AGO1: variants seen among roughly 807,000 people sequenced by gnomAD.
AGO1 encodes the protein argonaute RISC component 1, also known as protein argonaute-1.
In AGO1, 11 loss-of-function variants were observed where a neutral mutation model predicts 109.2. The ratio of observed to expected loss-of-function variants is 0.10; its 90% CI spans 0.06 to 0.17. AGO1 has a LOEUF of 0.17. AGO1 is among the 10% of genes least tolerant of loss of function. The probability of loss-of-function intolerance (pLI) is 1.00; values close to 1 mark genes in which losing one functional copy is unlikely to be tolerated. For synonymous variants in AGO1, 422 were observed against 418.6 expected (o/e 1.01, Z -0.10); for missense variants, 574 against 1,140.3 (o/e 0.50, Z 7.15).
chr1:35,893,452 C>A lies in AGO1; in HGVS notation c.512+174C>A. 1 of 831,912 alleles carries A rather than the reference C, an allele frequency of 1.2e-6. No individual in the cohort carries two copies. The highest frequency in any genetic ancestry group is 1.8e-6 in the Non-Finnish European group (1 of 549,864). 51.5% of individuals were successfully genotyped at this position (831,912 alleles called of 1,614,324 possible). A position where few individuals can be genotyped will look rare whatever the true frequency, so the allele number is the denominator to read the frequency against. On this transcript the variant is annotated intron_variant, in intron 4 of 18. Coordinates refer to ENST00000373204, the MANE Select transcript of AGO1 (RefSeq NM_012199.5). This position sits in a 1 kb window ranked among gnomAD's most constrained non-coding sequence, Gnocchi z 5.6. ...TATTTAGATGGTTTAAAGCCCTGGC[C>A]CTGAACTTCTTAGATATCTTTGGGC...
rs995984054 is a variant in AGO1 at position 35,893,963 on chromosome 1, G to A, written c.650-74G>A. 1.1e-5 allele frequency: 16 copies of A among 1,521,676 alleles called. No individual in the cohort carries two copies. The Admixed American group carries it at 3.4e-4, about 32-fold the overall frequency. The allele number at this position is 1,521,676 out of a possible 1,614,324, so 94.3% of individuals were successfully genotyped here. On this transcript the variant is annotated intron_variant, in intron 5 of 18. Coordinates refer to ENST00000373204, the MANE Select transcript of AGO1 (RefSeq NM_012199.5). This position sits in a 1 kb window ranked among gnomAD's most constrained non-coding sequence, Gnocchi z 5.6. ...ATCCCAATGCCCTTTAAGGAAGAGG[G>A]TATAAATTGCTGTGCCTCCATGTAT...
chr1:35,918,093 A>T (rs1043056235), intron 16 of AGO1, among the ~76,000 whole-genome samples: 1 of 152,178 alleles, frequency 6.6e-6, no homozygotes, highest in Non-Finnish European at 1.5e-5. Context: ...ATTATCTCCA[A>T]TTTAACCTCA....
Position 35,903,488 on chromosome 1 carries a change from G to C in AGO1, c.1397+1151G>C, listed in dbSNP as rs147555993. ...GGGATGAGGAGGAGTTGATGGAGCCGACCATTTTGGCTAGACAAGGGTAGT... is the reference window on the plus strand; with the variant it reads ...GGGATGAGGAGGAGTTGATGGAGCCCACCATTTTGGCTAGACAAGGGTAGT... On this transcript the variant is annotated intron_variant, in intron 11 of 18. Transcript: ENST00000373204. 2.5e-3 allele frequency among the ~76,000 whole-genome samples: 386 copies of C among 152,156 alleles called. 1 individual carries two copies. Among genetic ancestry groups the C allele is most frequent in the African/African-American group, 8.3e-3 (346 of 41,510 alleles).
At chr1:35,911,439 A>G (rs1448675252) in intron 12 of AGO1, among the ~76,000 whole-genome samples, 3 of 152,140 alleles carry the variant, frequency 2.0e-5, no homozygotes, top group Non-Finnish European at 4.4e-5. Flanking sequence ...CCACACCTAG[A>G]TTCAACAAAT....
At chr1:35,913,060 C>T (rs998127193) in intron 12 of AGO1, among the ~76,000 whole-genome samples, 1 of 151,606 alleles carries the variant, frequency 6.6e-6, no homozygotes, top group African/African-American at 2.4e-5. Context: ...CACTCTGTCG[C>T]CCAGGCTGGA....
At position 35,901,055 on chromosome 1, in the gene AGO1, C is replaced by T. The variant is rs552118740; in HGVS notation, c.1021-419C>T. ...GGCGTTCAGTGGCGTGATCTGGGCT[C>T]ACTGCAACCTCCGCCTCCCGGTTCA... is the stretch of plus-strand genomic sequence containing the variant. On this transcript the variant is annotated intron_variant, in intron 8 of 18. Transcript: ENST00000373204. The surrounding 1 kb of genome is among the most constrained non-coding windows in gnomAD (Gnocchi z 4.8). Among the ~76,000 whole-genome samples, 53 of 150,388 alleles carry T rather than the reference C, an allele frequency of 3.5e-4. No individual in the cohort carries two copies. Among genetic ancestry groups the T allele is most frequent in the African/African-American group, 1.2e-3 (50 of 40,940 alleles).
chr1:35,891,437 T>C (rs957208140), intron 2 of AGO1, among the ~76,000 whole-genome samples: 3 of 152,092 alleles, frequency 2.0e-5, no homozygotes, highest in African/African-American at 7.2e-5. Context: ...AGTTTATTCT[T>C]ATTCCAGTTC....
chr1:35,920,080 A>G lies in AGO1; in HGVS notation c.*473A>G, dbSNP rs2148726515. 1 of 155,158 alleles carries G rather than the reference A, an allele frequency of 6.4e-6. No individual in the cohort carries two copies. Among genetic ancestry groups the G allele is most frequent in the Admixed American group, 6.5e-5 (1 of 15,462 alleles). The allele number at this position is 155,158 out of a possible 1,614,324, so 9.6% of individuals were successfully genotyped here. On this transcript the variant is annotated 3_prime_UTR_variant, in exon 19 of 19. Transcript: ENST00000373204. Reference sequence around the variant, plus strand: ...GGATTTTTTAGGAGCCTTAATCAGAAAAGGACTAGATTTGTTTAAGAAGAA... The same window carrying G: ...GGATTTTTTAGGAGCCTTAATCAGAGAAGGACTAGATTTGTTTAAGAAGAA...
In AGO1 at chr1:35,883,596, G is replaced by A; in HGVS notation, c.25+150G>A. On this transcript the variant is annotated intron_variant, in intron 1 of 18. Transcript: ENST00000373204. The surrounding 1 kb of genome is among the most constrained non-coding windows in gnomAD (Gnocchi z 5.4). ...CCCAGTTTGAAGGAGGCTGTGTGCA[G>A]TTCCGGGGGAGAACCATGTGAAGAG... 1 of 1,253,944 alleles carries A rather than the reference G, an allele frequency of 8.0e-7. No individual in the cohort carries two copies. Among genetic ancestry groups the A allele is most frequent in the Non-Finnish European group, 1.0e-6 (1 of 952,772 alleles). The allele number at this position is 1,253,944 out of a possible 1,614,324, so 77.7% of individuals were successfully genotyped here.
intron 12 of AGO1, among the ~76,000 whole-genome samples, chr1:35,913,056 G>A (rs1645667422): frequency 6.7e-6 from 1 of 148,180 alleles, no homozygotes; most frequent in South Asian, 2.1e-4. Flanking sequence ...GTCTCACTCT[G>A]TCGCCCAGGC....
chr1:35,900,790 A>C (rs542198429), intron 8 of AGO1, among the ~76,000 whole-genome samples: 15 of 152,172 alleles, frequency 9.9e-5, no homozygotes, highest in African/African-American at 2.6e-4. Flanking sequence ...GGTGCCTGTA[A>C]TCCCAGCTAC....
intron 1 of AGO1, among the ~76,000 whole-genome samples, chr1:35,886,092 TG>T (rs1645115441): frequency 6.6e-6 from 1 of 152,168 alleles, no homozygotes; most frequent in Non-Finnish European, 1.5e-5. Context: ...TTTCCTTCTC[TG>T]GGCTCCTTGG....
intron 8 of AGO1, among the ~76,000 whole-genome samples, chr1:35,896,573 C>T (rs1186563763): frequency 6.6e-6 from 1 of 151,794 alleles, no homozygotes; most frequent in African/African-American, 2.4e-5. Flanking sequence ...CCATGTTGGC[C>T]ACACTGATCT....
intron 1 of AGO1, among the ~76,000 whole-genome samples, chr1:35,874,059 T>G (rs1644973883): frequency 1.3e-5 from 2 of 152,248 alleles, no homozygotes; most frequent in African/African-American, 2.4e-5. Context: ...ACTGTATCTG[T>G]ATGGCAATCT....
At position 35,921,854 on chromosome 1, in the gene AGO1, A is replaced by G. The variant is rs1247992782; in HGVS notation, c.*2247A>G. ...AGAATGGAGGGCTCTGGGAGGAGGC[A>G]GCTCACTGGAGAGCCTACATTCCTT... On this transcript the variant is annotated 3_prime_UTR_variant, in exon 19 of 19. Coordinates refer to ENST00000373204, the MANE Select transcript of AGO1 (RefSeq NM_012199.5). The G allele has an allele frequency of 1.3e-5, 2 of 152,730 alleles. No individual in the cohort carries two copies. Among genetic ancestry groups the G allele is most frequent in the Admixed American group, 1.3e-4 (2 of 15,290 alleles). 9.5% of individuals were successfully genotyped at this position (152,730 alleles called of 1,614,324 possible).
upstream of AGO1, among the ~76,000 whole-genome samples, chr1:35,879,866 G>A (rs1174800561): frequency 6.6e-6 from 1 of 152,034 alleles, no homozygotes; most frequent in African/African-American, 2.4e-5. Context: ...GAGAGGCTGG[G>A]GCCAGGCTTG....
rs919992705 is a variant in AGO1, at chr1:35,922,014, A to G, written c.*2407A>G. 3 of 152,686 alleles carry G rather than the reference A, an allele frequency of 2.0e-5. No homozygotes were observed. Among genetic ancestry groups the G allele is most frequent in the Admixed American group, 6.5e-5 (1 of 15,282 alleles). The allele number at this position is 152,686 out of a possible 1,614,324, so 9.5% of individuals were successfully genotyped here. On this transcript the variant is annotated 3_prime_UTR_variant, in exon 19 of 19. Transcript: ENST00000373204. ...GGACAGTGGGCTCTGCATGTTCTCC[A>G]CTTGGATACATTTTGGGGCTAGGAT...
At chr1:35,914,124 G>A (rs1645691108) in intron 13 of AGO1, 60 bp from the exon 14 acceptor site, 2 of 1,596,166 alleles carry the variant, frequency 1.3e-6, no homozygotes, top group South Asian at 2.2e-5. Context: ...GTGGGTACTG[G>A]ATGGTGCCAG....
intron 8 of AGO1, among the ~76,000 whole-genome samples, chr1:35,896,829 G>A (rs1273640067): frequency 6.6e-6 from 1 of 152,190 alleles, no homozygotes; most frequent in Admixed American, 6.5e-5. Flanking sequence ...TGCACATGAA[G>A]GCAACATGTT....
Sources: gnomAD v4.1 joint callset for allele counts (sites outside exome capture counted in the v4.1 genomes callset) on GRCh38, gnomAD v4.1.1 for gene constraint, Gnocchi (gnomAD v3.1) non-coding constraint, MANE v1.5 for transcripts, NCBI Gene and HGNC (gene_info 2026-07-23, HGNC 2026-07-21) for gene names.